The following ZNF493 variants were observed in gnomAD, a reference collection of about 807,000 sequenced individuals.
ZNF493 encodes zinc finger protein 493.
In ZNF493, 11 loss-of-function variants were observed where a neutral mutation model predicts 12.2. The observed-to-expected ratio is 0.90, with a 90% CI of 0.57 to 1.50. The LOEUF is 1.50. Ranked by LOEUF, ZNF493 falls within the 40% of genes most tolerant of loss-of-function variation. The pLI is 0.00. For synonymous variants in ZNF493, 286 were observed against 302.6 expected, an observed-to-expected ratio of 0.95 and a Z score of 0.57; for missense variants, 950 against 906.6, an observed-to-expected ratio of 1.05 and a Z score of -0.61.
intron 3 of ZNF493, 61 bp from the exon 4 acceptor site, chr19:21,422,852 T>G: frequency 1.4e-6 from 2 of 1,391,270 alleles, no homozygotes; most frequent in Non-Finnish European, 1.9e-6. Context: ...AGTTTAGATT[T>G]GTAATCTATA....
chr19:21,413,110 G>T, intron 3 of ZNF493: 1 of 291,276 alleles, frequency 3.4e-6, no homozygotes, highest in South Asian at 3.0e-5. Context: ...ATGATTCCAT[G>T]GGAATCATTG....
At chr19:21,404,893 T>C (rs773128471) in intron 1 of ZNF493, among the ~76,000 whole-genome samples, 3 of 152,220 alleles carry the variant, frequency 2.0e-5, no homozygotes, top group Non-Finnish European at 4.4e-5. Flanking sequence ...TATACTTTAC[T>C]ATTAATAAAA....
chr19:21,411,767 A>AT (rs71260156), intron 3 of ZNF493, among the ~76,000 whole-genome samples: 98,888 of 144,738 alleles, frequency 0.68, 33,715 homozygotes, highest in Middle Eastern at 0.75. Flanking sequence ...TGCTATTGTA[A>AT]TTTTTTTTTT....
intron 3 of ZNF493, among the ~76,000 whole-genome samples, chr19:21,415,736 A>G (rs948317047): frequency 1.3e-5 from 2 of 152,206 alleles, no homozygotes; most frequent in African/African-American, 4.8e-5. Flanking sequence ...ACATTTTCCA[A>G]TGAAAACGCT....
rs2030847831 is a variant in ZNF493 at position 21,426,031 on chromosome 19, A to C, written c.*1047A>C. 4.0e-6 allele frequency: 2 copies of C among 501,572 alleles called. No homozygotes were observed. Among genetic ancestry groups the C allele is most frequent in the South Asian group, 1.7e-5 (1 of 58,582 alleles). The allele number at this position is 501,572 out of a possible 1,614,324, so 31.1% of individuals were successfully genotyped here. A position where few individuals can be genotyped will look rare whatever the true frequency, so the allele number is the denominator to read the frequency against. On this transcript the variant is annotated 3_prime_UTR_variant, in exon 4 of 4. Transcript: ENST00000392288. ...GAGAGAAACCCTATGATTGTGAAAA[A>C]TATGGCAAAGGCTTTAACTAGTCCT...
At chr19:21,420,337 C>A (rs1967182) in intron 3 of ZNF493, among the ~76,000 whole-genome samples, 1 of 151,020 alleles carries the variant, frequency 6.6e-6, no homozygotes, top group South Asian at 2.1e-4. Flanking sequence ...TTTTGTGTAT[C>A]TATATAGATG....
chr19:21,422,527 A>G (rs1289823221), intron 3 of ZNF493, among the ~76,000 whole-genome samples: 3 of 150,110 alleles, frequency 2.0e-5, no homozygotes, highest in Non-Finnish European at 3.0e-5. Flanking sequence ...CAATGGTGCA[A>G]TCTTGGTTCA....
intron 3 of ZNF493, chr19:21,407,334 G>A (rs2030165187): frequency 6.6e-6 from 1 of 152,024 alleles, no homozygotes; most frequent in African/African-American, 2.4e-5. Context: ...TATCGCCCAG[G>A]CAGGAGTGCA....
chr19:21,426,884 A>G lies in ZNF493; in HGVS notation c.*1900A>G. 6.0e-6 allele frequency: 1 copy of G among 167,176 alleles called. No individual in the cohort carries two copies. The allele number at this position is 167,176 out of a possible 1,614,324, so 10.4% of individuals were successfully genotyped here. ...TAAAACTAAAGTTGGTAGAAAAATT[A>G]TTTGTATATAATGTTAAGAGGAGTA... On this transcript the variant is annotated 3_prime_UTR_variant, in exon 4 of 4. Transcript: ENST00000392288.
At chr19:21,416,721 T>C (rs746363943) in intron 3 of ZNF493, among the ~76,000 whole-genome samples, 3 of 152,178 alleles carry the variant, frequency 2.0e-5, no homozygotes, top group Admixed American at 6.5e-5. Flanking sequence ...TTCCCACTTA[T>C]GGCACAATCA....
At chr19:21,399,943 G>A (rs899874332) in intron 1 of ZNF493, among the ~76,000 whole-genome samples, 13 of 152,212 alleles carry the variant, frequency 8.5e-5, no homozygotes, top group African/African-American at 3.1e-4. Context: ...TTCAAATCCT[G>A]TTATCTTGAT....
chr19:21,397,547 A>G lies in ZNF493; in HGVS notation c.30+280A>G, dbSNP rs116391030. ...ACCCGCAGCGCCGCGTCTTTCTCAGATTGTGCGGGGACCACGGGAGGGTCA... is the reference window on the plus strand; with the variant it reads ...ACCCGCAGCGCCGCGTCTTTCTCAGGTTGTGCGGGGACCACGGGAGGGTCA... On this transcript the variant is annotated intron_variant, in intron 1 of 3. Coordinates refer to ENST00000392288, the MANE Select transcript of ZNF493 (RefSeq NM_001076678.3). 4.8e-3 allele frequency: 2,837 copies of G among 590,706 alleles called. 69 individuals carry two copies. The highest frequency in any genetic ancestry group is 0.046 in the African/African-American group (2,491 of 53,646). The allele number at this position is 590,706 out of a possible 1,614,324, so 36.6% of individuals were successfully genotyped here.
intron 3 of ZNF493, chr19:21,414,435 G>T (rs753337346): frequency 6.6e-6 from 1 of 152,222 alleles, no homozygotes; most frequent in Non-Finnish European, 1.5e-5. Context: ...TCTAGCATTA[G>T]ATATTGCGTT....
At chr19:21,411,344 G>A (rs1247350159) in intron 3 of ZNF493, among the ~76,000 whole-genome samples, 2 of 152,028 alleles carry the variant, frequency 1.3e-5, no homozygotes, top group Non-Finnish European at 2.9e-5. Flanking sequence ...AGCTTTTAAT[G>A]TGTTTTGAAA....
In ZNF493 at chr19:21,424,004, A is replaced by G. The variant is rs553037933; in HGVS notation, c.1345A>G (p.Thr449Ala). Residue 449 changes from threonine to alanine, a missense_variant, in exon 4 of 4, where the codon ACT becomes GCT. Coordinates refer to ENST00000392288, the MANE Select transcript of ZNF493 (RefSeq NM_001076678.3). ...GKTFSVFSILTKHKIIHTEEK... is the reference protein window; with the variant it reads ...GKTFSVFSILAKHKIIHTEEK... ...AACCTTTAGTGTATTCTCAATTCTT[A>G]CTAAACATAAAATAATTCATACAGA... 552 of 1,613,482 alleles carry G rather than the reference A, an allele frequency of 3.4e-4. 6 individuals are homozygous for G. In the South Asian group the frequency reaches 5.8e-3, roughly 17 times the overall value.
chr19:21,409,240 G>A (rs976720653), intron 3 of ZNF493, among the ~76,000 whole-genome samples: 1 of 151,988 alleles, frequency 6.6e-6, no homozygotes, highest in Non-Finnish European at 1.5e-5. Context: ...TTGTCTAAAT[G>A]TGTAGTCATG....
chr19:21,405,150 G>C lies in ZNF493; in HGVS notation c.52G>C (p.Val18Leu). The C allele has an allele frequency of 6.2e-7, 1 of 1,613,986 alleles. No homozygotes were observed. Among genetic ancestry groups the C allele is most frequent in the Non-Finnish European group, 8.5e-7 (1 of 1,179,976 alleles). Residue 18 changes from valine (V) to leucine (L), a missense_variant, in exon 2 of 4, where the codon GTG becomes CTG. Val to Leu is a conservative substitution (Grantham distance 32). Coordinates refer to ENST00000392288, the MANE Select transcript of ZNF493 (RefSeq NM_001076678.3). ...TCAGGGGCCGTTGACATTTAGGGAT[G>C]TGGCCATAGAATTCTCTCTGGAGGA... is the stretch of plus-strand genomic sequence containing the variant. ...LDMGPLTFRD[V>L]AIEFSLEEWQ...
intron 3 of ZNF493, chr19:21,413,398 A>T (rs1457165049): frequency 2.5e-6 from 1 of 407,702 alleles, no homozygotes; most frequent in Non-Finnish European, 4.3e-6. Flanking sequence ...ACTCATGGCA[A>T]TGGTGATAAC....
At chr19:21,407,035 T>C (rs1276900944) in intron 3 of ZNF493, among the ~76,000 whole-genome samples, 1 of 151,986 alleles carries the variant, frequency 6.6e-6, no homozygotes, top group African/African-American at 2.4e-5. Context: ...AAATTTATTA[T>C]TTTAATTATA....
Sources: gnomAD v4.1 joint callset for allele counts (sites outside exome capture counted in the v4.1 genomes callset) on GRCh38, gnomAD v4.1.1 for gene constraint, MANE v1.5 for transcripts, NCBI Gene and HGNC (gene_info 2026-07-23, HGNC 2026-07-21) for gene names.